TC2N: variants seen among roughly 807,000 people sequenced by gnomAD.
TC2N encodes the protein tandem C2 domains nuclear protein.
TC2N carries 51 observed loss-of-function variants against 61.9 expected under a neutral mutation model. The ratio of observed to expected loss-of-function variants is 0.82; its 90% CI spans 0.66 to 1.04. The LOEUF (loss-of-function observed/expected upper bound fraction) is 1.04, where lower values mean the gene tolerates loss of function less well. Among genes scored for constraint, TC2N ranks in the 50% least tolerant of loss-of-function variants. The pLI is 0.00. For missense variants in TC2N, 556 were observed against 566.7 expected (o/e 0.98, Z 0.19); for synonymous variants, 204 against 192.6 (o/e 1.06, Z -0.49).
At chr14:91,785,739 T>C (rs986571113) in intron 10 of TC2N, among the ~76,000 whole-genome samples, 2 of 152,132 alleles carry the variant, frequency 1.3e-5, no homozygotes, top group African/African-American at 2.4e-5. Flanking sequence ...AGGTAAAATA[T>C]AAAAGACTCC....
chr14:91,853,050 G>T (rs1047892725), intron 1 of TC2N, among the ~76,000 whole-genome samples: 22 of 152,250 alleles, frequency 1.4e-4, no homozygotes, highest in African/African-American at 5.3e-4. Flanking sequence ...CAGCCTGGGC[G>T]ACAGAGAGAG....
intron 1 of TC2N, among the ~76,000 whole-genome samples, chr14:91,861,359 G>A (rs1888584634): frequency 6.6e-6 from 1 of 152,246 alleles, no homozygotes; most frequent in South Asian, 2.1e-4. Flanking sequence ...TCTAGAGACT[G>A]CTTCTGTGTG....
At chr14:91,848,367 G>A (rs1467479450) in intron 1 of TC2N, among the ~76,000 whole-genome samples, 2 of 152,190 alleles carry the variant, frequency 1.3e-5, no homozygotes, top group East Asian at 1.9e-4. Flanking sequence ...TAAGCCAGTC[G>A]AGGGTCTAGC....
chr14:91,814,160 G>A (rs1886901580), intron 1 of TC2N, among the ~76,000 whole-genome samples: 1 of 151,060 alleles, frequency 6.6e-6, no homozygotes, highest in Non-Finnish European at 1.5e-5. Flanking sequence ...TTATGAGAGA[G>A]AGAGAGAGAG....
intron 1 of TC2N, among the ~76,000 whole-genome samples, chr14:91,854,335 G>A (rs912153729): frequency 3.4e-5 from 5 of 148,654 alleles, no homozygotes; most frequent in African/African-American, 7.4e-5. Flanking sequence ...AGAAATGTAC[G>A]AGGATAAGAA....
At chr14:91,822,975 A>G (rs927313267) in intron 1 of TC2N, among the ~76,000 whole-genome samples, 5 of 151,930 alleles carry the variant, frequency 3.3e-5, no homozygotes, top group African/African-American at 4.8e-5. Context: ...TCAGCCTCCC[A>G]AAGTGCTGGG....
chr14:91,830,856 C>T (rs908240090), intron 1 of TC2N, among the ~76,000 whole-genome samples: 9 of 152,130 alleles, frequency 5.9e-5, no homozygotes, highest in African/African-American at 1.9e-4. Flanking sequence ...TTTTACCTGG[C>T]ATCAAGACAA....
chr14:91,809,088 C>A (rs766396605), intron 3 of TC2N, among the ~76,000 whole-genome samples: 1 of 152,124 alleles, frequency 6.6e-6, no homozygotes, highest in African/African-American at 2.4e-5. Context: ...ATAGGCCAGG[C>A]ACTAGGTTCA....
intron 3 of TC2N, among the ~76,000 whole-genome samples, chr14:91,807,606 G>A (rs980162919): frequency 6.6e-6 from 1 of 152,198 alleles, no homozygotes; most frequent in Non-Finnish European, 1.5e-5. Flanking sequence ...TTTGGAATGG[G>A]TGTATTTATC....
At chr14:91,808,521 A>T (rs1886622833) in intron 3 of TC2N, among the ~76,000 whole-genome samples, 1 of 152,222 alleles carries the variant, frequency 6.6e-6, no homozygotes, top group African/African-American at 2.4e-5. Context: ...TCAACCCATC[A>T]TTCACGTGCA....
At chr14:91,846,951 A>T (rs1226325700) in intron 1 of TC2N, among the ~76,000 whole-genome samples, 1 of 152,174 alleles carries the variant, frequency 6.6e-6, no homozygotes, top group African/African-American at 2.4e-5. Flanking sequence ...AGAAAACCCA[A>T]TTCGAATGGT....
intron 1 of TC2N, among the ~76,000 whole-genome samples, chr14:91,831,338 T>C (rs887950106): frequency 6.6e-6 from 1 of 152,232 alleles, no homozygotes; most frequent in Non-Finnish European, 1.5e-5. Flanking sequence ...GTATTATTTA[T>C]GACTTCAGGT....
chr14:91,800,196 T>C (rs984830882), intron 5 of TC2N, 85 bp downstream of exon 5: 48 of 712,582 alleles, frequency 6.7e-5, no homozygotes, highest in Middle Eastern at 2.9e-4. Context: ...ATATACAGCA[T>C]ATTCCTAATG....
At chr14:91,819,324 T>G (rs1887143096) in intron 1 of TC2N, among the ~76,000 whole-genome samples, 1 of 151,972 alleles carries the variant, frequency 6.6e-6, no homozygotes, top group African/African-American at 2.4e-5. Flanking sequence ...AGAGAGACTC[T>G]GTCTCAAAAA....
At chr14:91,805,702 G>A (rs577717096) in intron 3 of TC2N, among the ~76,000 whole-genome samples, 3 of 151,904 alleles carry the variant, frequency 2.0e-5, no homozygotes, top group Non-Finnish European at 4.4e-5. Context: ...GTTACAGTAA[G>A]CTAAGGGTGA....
chr14:91,863,775 C>T (rs925538108), intron 1 of TC2N, among the ~76,000 whole-genome samples: 12 of 140,138 alleles, frequency 8.6e-5, no homozygotes, highest in African/African-American at 2.2e-4. Flanking sequence ...CACTTGACGC[C>T]AGGAGCTCAA....
rs1394877722 is a variant in TC2N at position 91,812,391 on chromosome 14, TG to T, written c.221del (p.Pro74HisfsTer39). On this transcript the variant is annotated frameshift_variant, in exon 3 of 12. Coordinates refer to ENST00000435962, the MANE Select transcript of TC2N (RefSeq NM_001128596.3). LOFTEE classifies it high-confidence loss of function. The stretch of plus-strand genomic sequence containing the variant: ...ATAACTTAAACTTGGGCACCACAAA[TG>T]GTACTTCTTTGCCATCAGATGGTAA... Reference protein sequence around the residue: ...SKLPSDGKEVPFVVPKFKLSY... With the variant: ...SKLPSDGKEVXFVVPKFKLSY... The T allele has an allele frequency of 6.2e-6, 10 of 1,612,744 alleles. No homozygotes were observed. The highest frequency in any genetic ancestry group is 7.6e-6 in the Non-Finnish European group (9 of 1,179,246).
chr14:91,784,102 A>G (rs1885248936), intron 11 of TC2N, among the ~76,000 whole-genome samples: 1 of 152,136 alleles, frequency 6.6e-6, no homozygotes, highest in Non-Finnish European at 1.5e-5. Context: ...AGCCATACGG[A>G]GCAGATGACC....
At chr14:91,797,250 G>T (rs1400393756) in intron 8 of TC2N, among the ~76,000 whole-genome samples, 1 of 151,660 alleles carries the variant, frequency 6.6e-6, no homozygotes, top group Admixed American at 6.6e-5. Context: ...TCATTTGAAT[G>T]ATATTATTTT....
Sources: gnomAD v4.1 joint callset for allele counts (sites outside exome capture counted in the v4.1 genomes callset) on GRCh38, gnomAD v4.1.1 for gene constraint, MANE v1.5 for transcripts, NCBI Gene and HGNC (gene_info 2026-07-23, HGNC 2026-07-21) for gene names.